GPI: variants seen among roughly 807,000 people sequenced by gnomAD.
GPI encodes the protein glucose-6-phosphate isomerase.
In GPI, 56 loss-of-function variants were observed where a neutral mutation model predicts 75.8. That is an observed-to-expected ratio of 0.74 (90% CI 0.60 to 0.92). The LOEUF is 0.92. GPI is among the 40% of genes least tolerant of loss of function. GPI has a pLI of 0.00. For missense variants in GPI, 638 were observed against 741.0 expected, an observed-to-expected ratio of 0.86 and a Z score of 1.61; for synonymous variants, 288 against 285.4, an observed-to-expected ratio of 1.01 and a Z score of -0.09.
chr19:34,390,749 C>T (rs367791821), intron 9 of GPI, among the ~76,000 whole-genome samples: 7 of 131,538 alleles, frequency 5.3e-5, no homozygotes, highest in East Asian at 4.7e-4. Flanking sequence ...GAGGAGGTAG[C>T]ATCTGGCACA....
At position 34,393,366 on chromosome 19, in the gene GPI, C is replaced by T. The variant is rs1280178501; in HGVS notation, c.865+58C>T. 5.2e-6 allele frequency: 7 copies of T among 1,342,580 alleles called. No individual in the cohort carries two copies. The highest frequency in any genetic ancestry group is 4.7e-5 in the South Asian group (4 of 85,774). The allele number at this position is 1,342,580 out of a possible 1,614,324, so 83.2% of individuals were successfully genotyped here. ...GGGAGACAGTGTTGCAGTCTAAGGT[C>T]GGGGTAGGGGGCTTGTGTCCCTGAA... On this transcript the variant is annotated intron_variant, in intron 10 of 17. Coordinates refer to ENST00000356487, the MANE Select transcript of GPI (RefSeq NM_000175.5). The surrounding 1 kb of genome is among the most constrained non-coding windows in gnomAD (Gnocchi z 4.4).
intron 12 of GPI, 149 bp from the exon 13 acceptor site, chr19:34,396,152 G>A (rs2074941237): frequency 1.3e-6 from 1 of 748,766 alleles, no homozygotes; most frequent in African/African-American, 1.7e-5. Context: ...TAATCAGGCT[G>A]GTCTCAAACT....
At chr19:34,396,886 C>G (rs1163525789) in intron 14 of GPI, among the ~76,000 whole-genome samples, 1 of 152,228 alleles carries the variant, frequency 6.6e-6, no homozygotes, top group Admixed American at 6.5e-5. Context: ...TCTTGGCTCA[C>G]TGCAACCTTC....
intron 6 of GPI, among the ~76,000 whole-genome samples, chr19:34,378,477 A>G (rs1053187151): frequency 8.6e-5 from 13 of 151,968 alleles, no homozygotes; most frequent in Non-Finnish European, 1.2e-4. Flanking sequence ...TGGCCTCCCA[A>G]AGTGCTGGGA....
chr19:34,399,828 C>T (rs369615432), intron 17 of GPI, 43 bp downstream of exon 17: 435 of 1,612,176 alleles, frequency 2.7e-4, no homozygotes, highest in African/African-American at 2.4e-3. Flanking sequence ...ACCTTTGTGT[C>T]GGCTCAGGGA....
At chr19:34,383,739 G>C (rs1397924766) in intron 9 of GPI, among the ~76,000 whole-genome samples, 1 of 152,194 alleles carries the variant, frequency 6.6e-6, no homozygotes, top group Non-Finnish European at 1.5e-5. Flanking sequence ...GGCATGAGGA[G>C]CTGTGCTGGG....
chr19:34,392,023 G>T (rs146395010), intron 9 of GPI, among the ~76,000 whole-genome samples: 1 of 512 alleles, frequency 2.0e-3, no homozygotes, highest in East Asian at 0.071. Flanking sequence ...AAGGATCTGG[G>T]TCTTTCAATG....
chr19:34,364,956 G>A, upstream of GPI: 1 of 1,526,966 alleles, frequency 6.5e-7, no homozygotes, highest in Middle Eastern at 1.7e-4. Context: ...AGTGATCCCC[G>A]GGCTCTGCCC....
intron 8 of GPI, chr19:34,380,934 A>G (rs8105184): frequency 0.54 from 127,124 of 237,084 alleles, 38,243 homozygotes; most frequent in African/African-American, 0.86. Flanking sequence ...TAGGTAAGGA[A>G]TTGCTGGCCC....
At chr19:34,364,977 C>A, upstream of GPI, 1 of 1,529,840 alleles carries the variant, frequency 6.5e-7, no homozygotes, top group Non-Finnish European at 8.7e-7. Context: ...ACCCTCCCCA[C>A]TGCCACTTCC....
Position 34,377,358 on chromosome 19 carries a change from T to TATATATATATATATATATAC in GPI, c.403-145_403-144insATATATATATATATATATAC, listed in dbSNP as rs1233755775. 25 of 299,726 alleles carry TATATATATATATATATATAC rather than the reference T, an allele frequency of 8.3e-5. No homozygotes were observed. In the African/African-American group the frequency reaches 8.3e-4, roughly 10 times the overall value. 18.6% of individuals were successfully genotyped at this position (299,726 alleles called of 1,614,324 possible). A position where few individuals can be genotyped will look rare whatever the true frequency, so the allele number is the denominator to read the frequency against. On this transcript the variant is annotated intron_variant, in intron 4 of 17. Transcript: ENST00000356487. ...AAAAATATATATATATATATATATATGGTAAATTAAAAACAAAAAAATAGA... is the reference window on the plus strand; with the variant it reads ...AAAAATATATATATATATATATATATATATATATATATATATATACGGTAAATTAAAAACAAAAAAATAGA...
In GPI at chr19:34,400,896, TTGTA is replaced by T. The variant is rs978749942; in HGVS notation, c.*862_*865del. Reference sequence around the variant, plus strand: ...GCACACCACCATACCCAGCTAATTTTTGTATTTTTAGTAGTGAAGGGGTTTTACC... The same window carrying T: ...GCACACCACCATACCCAGCTAATTTTTTTTTAGTAGTGAAGGGGTTTTACC... On this transcript the variant is annotated 3_prime_UTR_variant, in exon 18 of 18. Coordinates refer to ENST00000356487, the MANE Select transcript of GPI (RefSeq NM_000175.5). 1.4e-4 allele frequency: 43 copies of T among 306,940 alleles called. 2 individuals carry two copies. The highest frequency in any genetic ancestry group is 8.6e-4 in the African/African-American group (40 of 46,262). 19.0% of individuals were successfully genotyped at this position (306,940 alleles called of 1,614,324 possible). A position where few individuals can be genotyped will look rare whatever the true frequency, so the allele number is the denominator to read the frequency against.
chr19:34,396,576 C>T lies in GPI; in HGVS notation c.1193-5C>T. The stretch of plus-strand genomic sequence containing the variant: ...TCATGTGGGTGACCACAGTGCCCTT[C>T]ACAGGCACCAAGATGATACCCTGTG... On this transcript the variant is annotated splice_region_variant and splice_polypyrimidine_tract_variant and intron_variant, in intron 13 of 17. Coordinates refer to ENST00000356487, the MANE Select transcript of GPI (RefSeq NM_000175.5). The T allele has an allele frequency of 6.2e-7, 1 of 1,614,046 alleles. No homozygotes were observed. The highest frequency in any genetic ancestry group is 8.5e-7 in the Non-Finnish European group (1 of 1,179,870).
chr19:34,397,830 G>A (rs1416434547), intron 14 of GPI: 1 of 149,612 alleles, frequency 6.7e-6, no homozygotes, highest in Non-Finnish European at 1.5e-5. Flanking sequence ...AAGGGCCAGT[G>A]TGATTAGATT....
At chr19:34,392,425 C>T (rs576890532) in intron 9 of GPI, 1 of 133,088 alleles carries the variant, frequency 7.5e-6, no homozygotes, top group Admixed American at 7.6e-5. Flanking sequence ...AGACCTGAGT[C>T]TGTCAGTGTC....
At chr19:34,373,131 A>T (rs2074480787) in intron 4 of GPI, among the ~76,000 whole-genome samples, 1 of 151,100 alleles carries the variant, frequency 6.6e-6, no homozygotes, top group Non-Finnish European at 1.5e-5. Context: ...TCACACCTGT[A>T]GTCCTAGCAC....
At chr19:34,374,305 C>T (rs530771398) in intron 4 of GPI, among the ~76,000 whole-genome samples, 1 of 152,040 alleles carries the variant, frequency 6.6e-6, no homozygotes. Context: ...TTCTATAATA[C>T]CCCGTTGGTG....
At chr19:34,396,552 C>T (rs1176092966) in intron 13 of GPI, 29 bp from the exon 14 acceptor site, 1 of 1,612,670 alleles carries the variant, frequency 6.2e-7, no homozygotes, top group Non-Finnish European at 8.5e-7. Flanking sequence ...GGGCTGGGGT[C>T]ATGTGGGTGA....
At position 34,365,351 on chromosome 19, in the gene GPI, C is replaced by G; in HGVS notation, c.85C>G (p.Leu29Val). The change falls in exon 1 of 18, where the codon CTC (leucine) becomes GTC (valine). Residue 29 changes from leucine (L) to valine (V), a missense_variant. By Grantham distance (32) the Leu-to-Val change is conservative (BLOSUM62 1). Transcript: ENST00000356487. ...CCGCTCCGAGCTGAACCTGCGCCGC[C>G]TCTTCGATGCCAACAAGGACCGCTT... is the stretch of plus-strand genomic sequence containing the variant. ...EHRSELNLRRLFDANKDRFNH... is the reference protein window; with the variant it reads ...EHRSELNLRRVFDANKDRFNH... 1.9e-6 allele frequency: 3 copies of G among 1,591,436 alleles called. No homozygotes were observed. The highest frequency in any genetic ancestry group is 2.6e-6 in the Non-Finnish European group (3 of 1,170,814).
Sources: gnomAD v4.1 joint callset for allele counts (sites outside exome capture counted in the v4.1 genomes callset) on GRCh38, gnomAD v4.1.1 for gene constraint, Gnocchi (gnomAD v3.1) non-coding constraint, MANE v1.5 for transcripts, NCBI Gene and HGNC (gene_info 2026-07-23, HGNC 2026-07-21) for gene names.